SUGT1: variants seen among roughly 807,000 people sequenced by gnomAD.
SUGT1 encodes protein SGT1 homolog.
A neutral mutation model predicts 56.1 loss-of-function variants in SUGT1; 15 were observed. The observed-to-expected ratio is 0.27, with a 90% CI of 0.18 to 0.41. The LOEUF (loss-of-function observed/expected upper bound fraction) is 0.41, where lower values mean the gene tolerates loss of function less well. SUGT1 is among the 10% of genes least tolerant of loss of function. SUGT1 has a pLI of 1.00. For synonymous variants in SUGT1, 123 were observed against 128.6 expected (o/e 0.96, Z 0.30); for missense variants, 347 against 382.2 (o/e 0.91, Z 0.77).
chr13:52,657,287 AC>A (rs1442881467), intron 2 of SUGT1, among the ~76,000 whole-genome samples: 3 of 152,220 alleles, frequency 2.0e-5, no homozygotes, highest in African/African-American at 7.2e-5. Context: ...AGTTCTATAG[AC>A]CAGGAACTAA....
chr13:52,663,109 G>A lies in SUGT1; in HGVS notation c.396G>A (p.Glu132=). ...ATGTTTTAATAGGCTCAGAATCTGA[G>A]GTGGTAAGTCCAAAGTTTTCATTCT... is the stretch of plus-strand genomic sequence containing the variant. The part of the protein sequence containing the change: ...CQEAQNGSES[E]VWTHQSKIKY... Residue 132 remains glutamate, a synonymous_variant, in exon 7 of 13, where the codon GAG becomes GAA. Transcript: ENST00000310528. 6.2e-7 allele frequency: 1 copy of A among 1,608,476 alleles called. No homozygotes were observed. The highest frequency in any genetic ancestry group is 8.5e-7 in the Non-Finnish European group (1 of 1,178,066).
chr13:52,699,819 G>T lies in SUGT1; in HGVS notation c.*11984G>T, dbSNP rs1205447486. On this transcript the variant is annotated 3_prime_UTR_variant, in exon 13 of 13. Transcript: ENST00000310528. ...GAACCCTGAAGGACAGGACGCCATAGAAATCCTGTTTTTTTAAAAAAGTAA... is the reference window on the plus strand; with the variant it reads ...GAACCCTGAAGGACAGGACGCCATATAAATCCTGTTTTTTTAAAAAAGTAA... The T allele has an allele frequency of 6.6e-6, 1 of 152,124 alleles. No individual in the cohort carries two copies. Among genetic ancestry groups the T allele is most frequent in the African/African-American group, 2.4e-5 (1 of 41,440 alleles). 9.4% of individuals were successfully genotyped at this position (152,124 alleles called of 1,614,324 possible).
chr13:52,659,122 G>T, intron 4 of SUGT1, 57 bp from the exon 5 acceptor site: 3 of 1,356,432 alleles, frequency 2.2e-6, no homozygotes, highest in Non-Finnish European at 2.0e-6. Context: ...TATTTAGAAA[G>T]AAGGTATTTT....
rs995732011 is a variant in SUGT1, at chr13:52,695,296, A to T, written c.*7461A>T. On this transcript the variant is annotated 3_prime_UTR_variant, in exon 13 of 13. Coordinates refer to ENST00000310528, the MANE Select transcript of SUGT1 (RefSeq NM_006704.5). ...TGTTATTATTTTGCTATTTCAAAAC[A>T]ATTGACTTTAAAAAATTATACTTCA... 1 of 152,192 alleles carries T rather than the reference A, an allele frequency of 6.6e-6. No homozygotes were observed. Among genetic ancestry groups the T allele is most frequent in the East Asian group, 1.9e-4 (1 of 5,202 alleles). The allele number at this position is 152,192 out of a possible 1,614,324, so 9.4% of individuals were successfully genotyped here. A position where few individuals can be genotyped will look rare whatever the true frequency, so the allele number is the denominator to read the frequency against.
At chr13:52,673,264 G>A (rs953652251) in intron 10 of SUGT1, among the ~76,000 whole-genome samples, 1 of 147,808 alleles carries the variant, frequency 6.8e-6, no homozygotes, top group Non-Finnish European at 1.5e-5. Flanking sequence ...TTGTGTGGGG[G>A]TAGATAGGGT....
rs1963669459 is a variant in SUGT1, at chr13:52,688,238, T to C, written c.*403T>C. The stretch of plus-strand genomic sequence containing the variant: ...ATTTTTCACCTTCAGTGTTACATTG[T>C]GTTTGCTTTTAAAAACTGCTTTTGA... On this transcript the variant is annotated 3_prime_UTR_variant, in exon 13 of 13. Transcript: ENST00000310528. 6.5e-6 allele frequency: 1 copy of C among 152,932 alleles called. No homozygotes were observed. Among genetic ancestry groups the C allele is most frequent in the Non-Finnish European group, 1.5e-5 (1 of 68,238 alleles). 9.5% of individuals were successfully genotyped at this position (152,932 alleles called of 1,614,324 possible). A position where few individuals can be genotyped will look rare whatever the true frequency, so the allele number is the denominator to read the frequency against.
At chr13:52,686,154 C>G (rs1460557312) in intron 12 of SUGT1, among the ~76,000 whole-genome samples, 1 of 152,060 alleles carries the variant, frequency 6.6e-6, no homozygotes, top group Non-Finnish European at 1.5e-5. Flanking sequence ...TCTTGAACTC[C>G]TGACCTCAGG....
rs76900749 is a variant in SUGT1 at position 52,694,580 on chromosome 13, A to C, written c.*6745A>C. ...ATTTCAAAGCTCAAAACAGAAGGTAAAACTATTAGGATTTGTGAAAAATAC... is the reference window on the plus strand; with the variant it reads ...ATTTCAAAGCTCAAAACAGAAGGTACAACTATTAGGATTTGTGAAAAATAC... On this transcript the variant is annotated 3_prime_UTR_variant, in exon 13 of 13. Transcript: ENST00000310528. 1 of 152,360 alleles carries C rather than the reference A, an allele frequency of 6.6e-6. No homozygotes were observed. The highest frequency in any genetic ancestry group is 2.4e-5 in the African/African-American group (1 of 41,592). 9.4% of individuals were successfully genotyped at this position (152,360 alleles called of 1,614,324 possible).
rs1416383213 is a variant in SUGT1, at chr13:52,688,629, G to A, written c.*794G>A. 1.3e-5 allele frequency: 2 copies of A among 152,020 alleles called. No individual in the cohort carries two copies. The highest frequency in any genetic ancestry group is 4.8e-5 in the African/African-American group (2 of 41,376). 9.4% of individuals were successfully genotyped at this position (152,020 alleles called of 1,614,324 possible). ...TTTTCTTTATTAGAAAATCTCTGTT[G>A]TCACGTCCCCATGATTACTTTGGTT... On this transcript the variant is annotated 3_prime_UTR_variant, in exon 13 of 13. Transcript: ENST00000310528.
rs1963839993 is a variant in SUGT1 at position 52,693,609 on chromosome 13, A to G, written c.*5774A>G. 1 of 152,084 alleles carries G rather than the reference A, an allele frequency of 6.6e-6. No homozygotes were observed. The highest frequency in any genetic ancestry group is 1.5e-5 in the Non-Finnish European group (1 of 68,020). 9.4% of individuals were successfully genotyped at this position (152,084 alleles called of 1,614,324 possible). On this transcript the variant is annotated 3_prime_UTR_variant, in exon 13 of 13. Transcript: ENST00000310528. The stretch of plus-strand genomic sequence containing the variant: ...TGTGCCTCAGTTTTTGTGTCTATGT[A>G]AAGGAGATAATAGGATCCCCCTCAT...
In SUGT1 at chr13:52,690,066, G is replaced by A. The variant is rs562218280; in HGVS notation, c.*2231G>A. On this transcript the variant is annotated 3_prime_UTR_variant, in exon 13 of 13. Coordinates refer to ENST00000310528, the MANE Select transcript of SUGT1 (RefSeq NM_006704.5). ...CTTACCCATTGGCTAGATTTGCTAA[G>A]TGTTGTGGGATTTGGGATTTTGCTG... The A allele has an allele frequency of 2.6e-5, 4 of 152,216 alleles. No individual in the cohort carries two copies. The highest frequency in any genetic ancestry group is 1.9e-4 in the East Asian group (1 of 5,190). 9.4% of individuals were successfully genotyped at this position (152,216 alleles called of 1,614,324 possible). A position where few individuals can be genotyped will look rare whatever the true frequency, so the allele number is the denominator to read the frequency against.
chr13:52,682,576 T>G (rs1180152144), intron 12 of SUGT1, among the ~76,000 whole-genome samples: 1 of 152,218 alleles, frequency 6.6e-6, no homozygotes, highest in African/African-American at 2.4e-5. Context: ...GGTTCCTTTT[T>G]GTGGGGTGGA....
rs750095762 is a variant in SUGT1, at chr13:52,670,604, C to T, written c.627+3685C>T. On this transcript the variant is annotated intron_variant, in intron 10 of 12. Coordinates refer to ENST00000310528, the MANE Select transcript of SUGT1 (RefSeq NM_006704.5). ...GTCGGATCACTTGAGGTCAAGAGTT[C>T]GAGAACAGCCTGGTCAACTTGGTGA... Among the ~76,000 whole-genome samples the T allele has an allele frequency of 2.6e-5, 4 of 152,250 alleles. 1 individual carries two copies. Among genetic ancestry groups the T allele is most frequent in the Admixed American group, 2.6e-4 (4 of 15,294 alleles).
rs139685534 is a variant in SUGT1, at chr13:52,652,849, C to A, written c.-72C>A. 16,089 of 1,572,096 alleles carry A rather than the reference C, an allele frequency of 0.01. 99 individuals are homozygous for A. Among genetic ancestry groups the A allele is most frequent in the Non-Finnish European group, 0.012 (14,179 of 1,157,428 alleles). On this transcript the variant is annotated 5_prime_UTR_variant, in exon 1 of 13. Transcript: ENST00000310528. ...CGGTTGGTGTTTCTCCAGAAGTTTC[C>A]CCCTTGGGCGGTGGTGGAGGTGGTA...
At chr13:52,659,288 T>C (rs1962313747) in intron 5 of SUGT1, 39 bp downstream of exon 5, 1 of 1,283,502 alleles carries the variant, frequency 7.8e-7, no homozygotes, top group Admixed American at 2.9e-5. Flanking sequence ...ACTTATCTAT[T>C]TCTGTCTTAA....
chr13:52,664,137 A>G, intron 8 of SUGT1, 80 bp downstream of exon 8: 5 of 1,370,086 alleles, frequency 3.6e-6, no homozygotes, highest in Non-Finnish European at 5.1e-6. Context: ...ATAGTAAGCA[A>G]ATTCTTACCA....
rs569906033 is a variant in SUGT1 at position 52,699,125 on chromosome 13, G to T, written c.*11290G>T. 1.3e-5 allele frequency: 2 copies of T among 152,220 alleles called. No individual in the cohort carries two copies. The highest frequency in any genetic ancestry group is 4.8e-5 in the African/African-American group (2 of 41,534). 9.4% of individuals were successfully genotyped at this position (152,220 alleles called of 1,614,324 possible). Reference sequence around the variant, plus strand: ...AGCTACTTGGCTTGCTCCTTTGAAGGTTTTGTTTCCCTCTTAACACAGAAA... The same window carrying T: ...AGCTACTTGGCTTGCTCCTTTGAAGTTTTTGTTTCCCTCTTAACACAGAAA... On this transcript the variant is annotated 3_prime_UTR_variant, in exon 13 of 13. Transcript: ENST00000310528.
intron 9 of SUGT1, among the ~76,000 whole-genome samples, chr13:52,666,216 G>A (rs573132956): frequency 6.6e-6 from 1 of 152,086 alleles, no homozygotes; most frequent in Admixed American, 6.6e-5. Flanking sequence ...CTCCTGAGTA[G>A]TTGGGACTAC....
chr13:52,657,121 T>C (rs966666868), intron 2 of SUGT1, among the ~76,000 whole-genome samples: 2 of 152,224 alleles, frequency 1.3e-5, no homozygotes, highest in African/African-American at 2.4e-5. Flanking sequence ...TAACTTCTGG[T>C]CTTTTTTTAT....
Sources: allele counts gnomAD v4.1 joint callset (sites outside exome capture counted in the v4.1 genomes callset), GRCh38; gene constraint gnomAD v4.1.1; transcripts MANE v1.5; gene names NCBI Gene and HGNC (gene_info 2026-07-23, HGNC 2026-07-21).